The following ARMC2 variants were observed in gnomAD, a reference collection of about 807,000 sequenced individuals.
The protein encoded by ARMC2 is armadillo repeat-containing protein 2.
In ARMC2, 67 loss-of-function variants were observed where a neutral mutation model predicts 90.3. That is an observed-to-expected ratio of 0.74 (90% CI 0.61 to 0.91). The LOEUF (loss-of-function observed/expected upper bound fraction) is 0.91. ARMC2 is among the 40% of genes least tolerant of loss of function. The probability of loss-of-function intolerance (pLI) is 0.00; values close to 1 mark genes in which losing one functional copy is unlikely to be tolerated. For synonymous variants in ARMC2, 393 were observed against 393.0 expected (o/e 1.00, Z 0.00); for missense variants, 920 against 1,030.9 (o/e 0.89, Z 1.47).
chr6:108,905,105 C>T (rs763869616), intron 8 of ARMC2, among the ~76,000 whole-genome samples: 2 of 152,154 alleles, frequency 1.3e-5, no homozygotes, highest in Non-Finnish European at 2.9e-5. Context: ...CTAAGAGAGC[C>T]GCTAAAACAA....
chr6:108,927,574 A>G (rs1018465911), intron 10 of ARMC2, among the ~76,000 whole-genome samples: 6 of 152,124 alleles, frequency 3.9e-5, no homozygotes, highest in African/African-American at 1.4e-4. Flanking sequence ...AAATAAGACA[A>G]ATTTGTGAGA....
At chr6:108,866,578 A>G (rs1045410680) in intron 3 of ARMC2, among the ~76,000 whole-genome samples, 1 of 152,198 alleles carries the variant, frequency 6.6e-6, no homozygotes, top group African/African-American at 2.4e-5. Context: ...AGCTTCCATA[A>G]TAGGAATTGT....
intron 12 of ARMC2, among the ~76,000 whole-genome samples, chr6:108,951,839 C>T (rs1194017544): frequency 6.6e-6 from 1 of 152,236 alleles, no homozygotes; most frequent in Non-Finnish European, 1.5e-5. Flanking sequence ...CGTTTATGGT[C>T]GTCCCTTCTG....
chr6:108,952,796 A>G (rs1777281635), intron 12 of ARMC2, among the ~76,000 whole-genome samples: 1 of 152,238 alleles, frequency 6.6e-6, no homozygotes, highest in South Asian at 2.1e-4. Flanking sequence ...ATCTGAAGGT[A>G]ATAGACGTTG....
chr6:108,940,415 T>G (rs1046445494), intron 12 of ARMC2, among the ~76,000 whole-genome samples: 1 of 152,138 alleles, frequency 6.6e-6, no homozygotes, highest in African/African-American at 2.4e-5. Flanking sequence ...TAGACAGGCT[T>G]GAGGAGGCAA....
intron 3 of ARMC2, among the ~76,000 whole-genome samples, chr6:108,863,561 A>G (rs1775501958): frequency 6.6e-6 from 1 of 152,236 alleles, no homozygotes; most frequent in African/African-American, 2.4e-5. Context: ...AATTTCGTTC[A>G]CACAGAGATA....
At chr6:108,880,837 C>T (rs749919005) in intron 5 of ARMC2, among the ~76,000 whole-genome samples, 5 of 149,844 alleles carry the variant, frequency 3.3e-5, no homozygotes, top group African/African-American at 4.9e-5. Context: ...TTTTCTCCCT[C>T]CTTCCTTCCT....
chr6:108,998,528 T>A, the ARMC2 span: 1 of 1,613,884 alleles, frequency 6.2e-7, no homozygotes, highest in South Asian at 1.1e-5. Context: ...CATTTTCTGC[T>A]GAGTTGACCG....
intron 8 of ARMC2, among the ~76,000 whole-genome samples, chr6:108,906,274 A>T (rs1265266988): frequency 2.0e-5 from 3 of 152,178 alleles, no homozygotes. Flanking sequence ...GAGGGAAAAA[A>T]TCTAGCGCCC....
At position 108,907,547 on chromosome 6, in the gene ARMC2, T is replaced by G. The variant is rs933422929; in HGVS notation, c.1023+3142T>G. 9 of 1,324,480 alleles carry G rather than the reference T, an allele frequency of 6.8e-6. No homozygotes were observed. In the South Asian group the frequency reaches 1.1e-4, roughly 17 times the overall value. The allele number at this position is 1,324,480 out of a possible 1,614,324, so 82.0% of individuals were successfully genotyped here. The stretch of plus-strand genomic sequence containing the variant: ...AAGAATTCAGCAACGATCGAGATTG[T>G]GTTCCTCACAGAGGGGCTCGGGCCA... On this transcript the variant is annotated intron_variant, in intron 8 of 17. Transcript: ENST00000392644.
chr6:108,908,356 C>T (rs1773025739), intron 8 of ARMC2, among the ~76,000 whole-genome samples: 1 of 152,228 alleles, frequency 6.6e-6, no homozygotes, highest in South Asian at 2.1e-4. Flanking sequence ...GGGGGCTGAC[C>T]ATGGCCGTTT....
chr6:108,957,685 C>G (rs568375700), intron 13 of ARMC2, among the ~76,000 whole-genome samples: 83 of 152,304 alleles, frequency 5.4e-4, no homozygotes, highest in Non-Finnish European at 9.7e-4. Flanking sequence ...TACCCCAGGA[C>G]TTGCCTAGAG....
At chr6:108,853,746 T>C (rs571493263) in intron 1 of ARMC2, among the ~76,000 whole-genome samples, 1 of 152,204 alleles carries the variant, frequency 6.6e-6, no homozygotes, top group African/African-American at 2.4e-5. Flanking sequence ...AGTTATATCA[T>C]GGACAAATGT....
intron 8 of ARMC2, among the ~76,000 whole-genome samples, chr6:108,909,813 C>T (rs570187239): frequency 5.3e-5 from 8 of 152,238 alleles, no homozygotes; most frequent in South Asian, 2.1e-4. Flanking sequence ...GGATTATAGA[C>T]GTGGGCTACT....
chr6:108,932,054 C>T (rs112398904), intron 11 of ARMC2, among the ~76,000 whole-genome samples: 1,645 of 151,852 alleles, frequency 0.011, 64 homozygotes, highest in African/African-American at 0.038. Flanking sequence ...CGTGAGCCAC[C>T]GCACCTGGCC....
At chr6:108,897,520 T>C (rs1771717567) in intron 6 of ARMC2, among the ~76,000 whole-genome samples, 1 of 152,088 alleles carries the variant, frequency 6.6e-6, no homozygotes, top group Admixed American at 6.6e-5. Context: ...TTACTTTTGC[T>C]GCTTAGGTGA....
chr6:108,877,359 C>T (rs1777043023), intron 5 of ARMC2, among the ~76,000 whole-genome samples: 1 of 152,198 alleles, frequency 6.6e-6, no homozygotes. Context: ...ACCTTGTCTG[C>T]TGACACAGCC....
In ARMC2 at chr6:108,937,995, C is replaced by T. The variant is rs1009415383; in HGVS notation, c.1596+996C>T. ...GATTATAGGCGTGAGCCACTGCACC[C>T]GGCCACAGGCATTAATTTTTATTAT... On this transcript the variant is annotated intron_variant, in intron 12 of 17. Coordinates refer to ENST00000392644, the MANE Select transcript of ARMC2 (RefSeq NM_032131.6). Among the ~76,000 whole-genome samples, 13 of 152,278 alleles carry T rather than the reference C, an allele frequency of 8.5e-5. No individual in the cohort carries two copies. In the East Asian group the frequency reaches 1.5e-3, roughly 18 times the overall value.
the ARMC2 span, among the ~76,000 whole-genome samples, chr6:109,021,847 CTCA>C: frequency 6.6e-6 from 1 of 152,160 alleles, no homozygotes; most frequent in Admixed American, 6.5e-5. Context: ...CTGTATCAAT[CTCA>C]TGTTTTTGGG....
Sources: allele counts gnomAD v4.1 joint callset (sites outside exome capture counted in the v4.1 genomes callset), GRCh38; gene constraint gnomAD v4.1.1; transcripts MANE v1.5; gene names NCBI Gene and HGNC (gene_info 2026-07-23, HGNC 2026-07-21).